NPEPPS: variants seen among roughly 807,000 people sequenced by gnomAD.
NPEPPS encodes aminopeptidase puromycin sensitive, also known as puromycin-sensitive aminopeptidase.
Under a neutral mutation model 115.5 loss-of-function variants are expected in NPEPPS, and 14 were observed. That is an observed-to-expected ratio of 0.12 (90% CI 0.08 to 0.19). NPEPPS has a LOEUF of 0.19. Among genes scored for constraint, NPEPPS ranks in the 10% least tolerant of loss-of-function variants. The pLI is 1.00. For missense variants in NPEPPS, 523 were observed against 1,110.8 expected, an observed-to-expected ratio of 0.47 and a Z score of 7.52; for synonymous variants, 285 against 390.6, an observed-to-expected ratio of 0.73 and a Z score of 3.19.
chr17:47,559,758 G>A (rs1234444178), intron 2 of NPEPPS: 1 of 432,060 alleles, frequency 2.3e-6, no homozygotes, highest in Non-Finnish European at 4.6e-6. Flanking sequence ...GTCTTGTCTT[G>A]TCTTGTCTTG....
intron 2 of NPEPPS, among the ~76,000 whole-genome samples, chr17:47,564,450 C>T (rs527792326): frequency 2.6e-5 from 4 of 151,980 alleles, no homozygotes; most frequent in South Asian, 4.2e-4. Flanking sequence ...ATTGAATAAT[C>T]GTATATACCT....
At chr17:47,530,760 G>A (rs1350245027), upstream of NPEPPS, among the ~76,000 whole-genome samples, 1 of 152,190 alleles carries the variant, frequency 6.6e-6, no homozygotes, top group African/African-American at 2.4e-5. Context: ...CTGACCTGGA[G>A]GCAGAATCCA....
At chr17:47,550,155 T>C (rs937616751) in intron 2 of NPEPPS, among the ~76,000 whole-genome samples, 7 of 152,046 alleles carry the variant, frequency 4.6e-5, no homozygotes, top group Admixed American at 2.0e-4. Context: ...GGATGGTCTC[T>C]ATCTCCTGAC....
In NPEPPS at chr17:47,605,559, G is replaced by A. The variant is rs1567868160; in HGVS notation, c.2095+7G>A. On this transcript the variant is annotated splice_region_variant and intron_variant, in intron 17 of 22. Transcript: ENST00000322157. ...GACCCCAAACCTGGAGAAGGTAATG[G>A]ATATACTAAATGGAGAAAGAATTAC... The A allele has an allele frequency of 2.0e-6, 3 of 1,527,472 alleles. No homozygotes were observed. The highest frequency in any genetic ancestry group is 1.7e-4 in the Middle Eastern group (1 of 5,736). 94.6% of individuals were successfully genotyped at this position (1,527,472 alleles called of 1,614,324 possible).
chr17:47,582,542 T>C lies in NPEPPS; in HGVS notation c.541-200T>C, dbSNP rs569320909. The C allele has an allele frequency of 6.9e-5, 43 of 622,240 alleles. No individual in the cohort carries two copies. The East Asian group carries it at 1.4e-3, about 20-fold the overall frequency. The allele number at this position is 622,240 out of a possible 1,614,324, so 38.5% of individuals were successfully genotyped here. Reference sequence around the variant, plus strand: ...TAAAATCCATAGCAGACACTGTTCCTGGATATTTGCTGGAATGGCAGTGGT... The same window carrying C: ...TAAAATCCATAGCAGACACTGTTCCCGGATATTTGCTGGAATGGCAGTGGT... On this transcript the variant is annotated intron_variant, in intron 4 of 22. Transcript: ENST00000322157.
At chr17:47,529,709 C>A (rs1178959385), upstream of NPEPPS, among the ~76,000 whole-genome samples, 5 of 83,130 alleles carry the variant, frequency 6.0e-5, no homozygotes, top group Middle Eastern at 6.0e-3. Context: ...GGCCCTGGCC[C>A]CCCTTTTTAA....
chr17:47,593,481 G>T (rs1166687260), intron 12 of NPEPPS, among the ~76,000 whole-genome samples: 2 of 152,090 alleles, frequency 1.3e-5, no homozygotes, highest in African/African-American at 4.8e-5. Context: ...GGTCACTTGA[G>T]CCCAGGAGTT....
chr17:47,553,237 G>A (rs944213530), intron 2 of NPEPPS, among the ~76,000 whole-genome samples: 2 of 151,668 alleles, frequency 1.3e-5, no homozygotes, highest in African/African-American at 4.8e-5. Flanking sequence ...GCTGGGTGTG[G>A]TGGTAGGCGC....
chr17:47,562,352 T>C (rs1367605333), intron 2 of NPEPPS, among the ~76,000 whole-genome samples: 1 of 152,116 alleles, frequency 6.6e-6, no homozygotes, highest in Non-Finnish European at 1.5e-5. Flanking sequence ...GCATGATAAT[T>C]GAATTGGATT....
chr17:47,525,254 G>A (rs1016025788), intron 1 of NPEPPS, among the ~76,000 whole-genome samples: 2 of 152,160 alleles, frequency 1.3e-5, no homozygotes, highest in Non-Finnish European at 2.9e-5. Context: ...TGGATCATGG[G>A]ACCAAGGATG....
At chr17:47,555,198 ATACT>A (rs771001600) in intron 2 of NPEPPS, among the ~76,000 whole-genome samples, 9 of 152,200 alleles carry the variant, frequency 5.9e-5, no homozygotes, top group Non-Finnish European at 8.8e-5. Flanking sequence ...TACCATCAAG[ATACT>A]TACTAATTGT....
intron 13 of NPEPPS, among the ~76,000 whole-genome samples, chr17:47,599,207 A>G (rs1385978181): frequency 6.6e-6 from 1 of 152,200 alleles, no homozygotes; most frequent in East Asian, 1.9e-4. Flanking sequence ...CTGATTATAT[A>G]TATAATTAGT....
chr17:47,540,997 T>C (rs374511653), intron 1 of NPEPPS, among the ~76,000 whole-genome samples: 2 of 152,214 alleles, frequency 1.3e-5, no homozygotes, highest in East Asian at 3.8e-4. Flanking sequence ...AAGAAACAGC[T>C]TAATTCATTA....
At chr17:47,601,528 G>C in intron 14 of NPEPPS, 80 bp from the exon 15 acceptor site, 7 of 1,537,278 alleles carry the variant, frequency 4.6e-6, no homozygotes, top group Non-Finnish European at 6.2e-6. Context: ...TAGGCTCCTG[G>C]TTAGAACACC....
intron 17 of NPEPPS, among the ~76,000 whole-genome samples, chr17:47,606,676 C>T (rs1028763079): frequency 1.6e-4 from 25 of 151,776 alleles, no homozygotes; most frequent in African/African-American, 5.8e-4. Flanking sequence ...CTCTGGGCCT[C>T]AAGTGATCTG....
chr17:47,568,933 G>A (rs1472062674), intron 2 of NPEPPS, among the ~76,000 whole-genome samples: 51 of 151,870 alleles, frequency 3.4e-4, no homozygotes, highest in South Asian at 4.1e-4. Flanking sequence ...GGGATTACAG[G>A]CGTGAGCCAC....
intron 2 of NPEPPS, among the ~76,000 whole-genome samples, chr17:47,567,168 A>G (rs927900067): frequency 6.6e-6 from 1 of 152,250 alleles, no homozygotes; most frequent in African/African-American, 2.4e-5. Flanking sequence ...ACTGAGTTGT[A>G]GTCTAGCTAA....
At chr17:47,596,229 C>G in intron 12 of NPEPPS, 124 bp from the exon 13 acceptor site, 2 of 585,904 alleles carry the variant, frequency 3.4e-6, no homozygotes, top group South Asian at 5.0e-5. Context: ...ATTTGGCTCA[C>G]TGTTTCCTGA....
intron 3 of NPEPPS, among the ~76,000 whole-genome samples, chr17:47,572,467 C>A (rs1167013729): frequency 7.4e-6 from 1 of 135,938 alleles, no homozygotes; most frequent in Admixed American, 7.9e-5. Context: ...AAAGACAAAT[C>A]TAAAGAAAGT....
Sources: allele counts gnomAD v4.1 joint callset (sites outside exome capture counted in the v4.1 genomes callset), GRCh38; gene constraint gnomAD v4.1.1; transcripts MANE v1.5; gene names NCBI Gene and HGNC (gene_info 2026-07-23, HGNC 2026-07-21).